Variants in SLC4A4 observed in about 807,000 individuals in gnomAD.
SLC4A4 encodes solute carrier family 4 member 4.
A neutral mutation model predicts 111.5 loss-of-function variants in SLC4A4; 27 were observed. That is an observed-to-expected ratio of 0.24 (90% CI 0.18 to 0.33). SLC4A4 has a LOEUF of 0.33. SLC4A4 is among the 10% of genes least tolerant of loss of function. The pLI is 1.00. For synonymous variants in SLC4A4, 443 were observed against 463.4 expected (o/e 0.96, Z 0.57); for missense variants, 909 against 1,315.5 (o/e 0.69, Z 4.78).
Position 71,255,339 on chromosome 4 carries a change from T to C in SLC4A4, c.193T>C (p.Ser65Pro). 2.5e-6 allele frequency: 4 copies of C among 1,613,602 alleles called. No homozygotes were observed. The highest frequency in any genetic ancestry group is 3.4e-6 in the Non-Finnish European group (4 of 1,179,646). ...AAAGGAGAGAATCTCTGAGAACTAC[T>C]CTGACAAATCAGATATTGAAAATGC... ...KEKERISENY[S>P]DKSDIENADE... The change falls in exon 3 of 26, where the codon TCT becomes CCT. Residue 65 changes from serine to proline, a missense_variant. Coordinates refer to ENST00000264485, the MANE Select transcript of SLC4A4 (RefSeq NM_001098484.3).
intron 2 of SLC4A4, among the ~76,000 whole-genome samples, chr4:71,096,787 A>G (rs1380013898): frequency 6.6e-6 from 1 of 152,168 alleles, no homozygotes; most frequent in Non-Finnish European, 1.5e-5. Flanking sequence ...CAAGATAAGG[A>G]CTGAAATGAG....
intron 14 of SLC4A4, among the ~76,000 whole-genome samples, chr4:71,479,684 C>A (rs962858779): frequency 2.0e-5 from 3 of 151,836 alleles, no homozygotes; most frequent in Admixed American, 6.6e-5. Flanking sequence ...AGTATAAGTT[C>A]TTCTGCTGTA....
rs559795268 is a variant in SLC4A4 at position 71,462,695 on chromosome 4, C to T, written c.1498-3749C>T. Among the ~76,000 whole-genome samples the T allele has an allele frequency of 1.2e-4, 19 of 152,204 alleles. No individual in the cohort carries two copies. The South Asian group carries it at 3.5e-3, about 28-fold the overall frequency. On this transcript the variant is annotated intron_variant, in intron 12 of 25. Coordinates refer to ENST00000264485, the MANE Select transcript of SLC4A4 (RefSeq NM_001098484.3). ...AAGTGCTGGGATTACAGGCGTGAGC[C>T]GCTATGCCCGGCTGTCATCTAATAT... is the stretch of plus-strand genomic sequence containing the variant.
intron 2 of SLC4A4, among the ~76,000 whole-genome samples, chr4:71,162,823 GACCC>G (rs1454285346): frequency 6.6e-6 from 1 of 152,134 alleles, no homozygotes; most frequent in Non-Finnish European, 1.5e-5. Flanking sequence ...GACGCTTAAG[GACCC>G]ATCAAACATT....
intron 2 of SLC4A4, among the ~76,000 whole-genome samples, chr4:71,249,883 C>A (rs78055253): frequency 4.9e-4 from 71 of 143,682 alleles, no homozygotes; most frequent in Admixed American, 6.2e-4. Flanking sequence ...GACTCTGTCT[C>A]AAAAAAAAAA....
chr4:71,548,617 A>G (rs1161340411), intron 20 of SLC4A4, among the ~76,000 whole-genome samples: 1 of 151,938 alleles, frequency 6.6e-6, no homozygotes, highest in African/African-American at 2.4e-5. Context: ...ACAGCTATAA[A>G]CAACCACTGT....
intron 6 of SLC4A4, among the ~76,000 whole-genome samples, chr4:71,391,664 A>G (rs1479976168): frequency 6.6e-6 from 1 of 152,102 alleles, no homozygotes; most frequent in Non-Finnish European, 1.5e-5. Context: ...TGGCCAGAAA[A>G]TAGTGATATG....
chr4:71,103,216 G>C (rs1290484366), intron 2 of SLC4A4, among the ~76,000 whole-genome samples: 1 of 149,722 alleles, frequency 6.7e-6, no homozygotes, highest in Non-Finnish European at 1.5e-5. Context: ...AACAAGAAGA[G>C]CTAACTATCC....
At chr4:71,280,181 A>G (rs887676943) in intron 3 of SLC4A4, among the ~76,000 whole-genome samples, 3 of 152,174 alleles carry the variant, frequency 2.0e-5, no homozygotes, top group Middle Eastern at 3.2e-3. Flanking sequence ...GATGTTGAAC[A>G]TTTTCAGATA....
chr4:71,410,926 A>T (rs554158474), intron 7 of SLC4A4, among the ~76,000 whole-genome samples: 1 of 152,268 alleles, frequency 6.6e-6, no homozygotes, highest in Admixed American at 6.5e-5. Context: ...TTTTACATTG[A>T]TACAAACTAT....
At chr4:71,224,024 C>T (rs1289513427) in intron 1 of SLC4A4, among the ~76,000 whole-genome samples, 1 of 152,186 alleles carries the variant, frequency 6.6e-6, no homozygotes, top group Non-Finnish European at 1.5e-5. Flanking sequence ...CCCGTGTCTT[C>T]ACACCTCATT....
At chr4:71,285,079 T>C (rs1453886958) in intron 3 of SLC4A4, among the ~76,000 whole-genome samples, 4 of 152,148 alleles carry the variant, frequency 2.6e-5, no homozygotes, top group African/African-American at 2.4e-5. Context: ...GTCTCAGTAG[T>C]CTCAGGTGTC....
intron 3 of SLC4A4, among the ~76,000 whole-genome samples, chr4:71,262,043 C>G (rs1239128575): frequency 6.6e-6 from 1 of 152,062 alleles, no homozygotes; most frequent in Non-Finnish European, 1.5e-5. Context: ...GCATTACCAC[C>G]TAAGCGGAAG....
chr4:71,523,248 G>A (rs6857348), intron 16 of SLC4A4, among the ~76,000 whole-genome samples: 90,208 of 151,794 alleles, frequency 0.59, 29,146 homozygotes, highest in Non-Finnish European at 0.74. Context: ...AAACGACTCT[G>A]CTATCACTAA....
intron 2 of SLC4A4, among the ~76,000 whole-genome samples, chr4:71,153,179 G>A (rs1331993372): frequency 1.3e-5 from 2 of 151,832 alleles, no homozygotes; most frequent in Non-Finnish European, 2.9e-5. Flanking sequence ...GGAGTCTGAT[G>A]TTTGAGGGCA....
At chr4:71,524,649 C>CT (rs892074105) in intron 16 of SLC4A4, among the ~76,000 whole-genome samples, 84 of 147,344 alleles carry the variant, frequency 5.7e-4, no homozygotes, top group East Asian at 1.2e-3. Flanking sequence ...ACTATTAATG[C>CT]TTTTTTTTTT....
chr4:71,551,303 T>C (rs1735974907), intron 20 of SLC4A4, among the ~76,000 whole-genome samples: 2 of 152,082 alleles, frequency 1.3e-5, no homozygotes, highest in South Asian at 4.1e-4. Context: ...AAAATCAGGA[T>C]AGCATTTAAT....
At chr4:71,094,044 A>G (rs1742468590) in intron 2 of SLC4A4, among the ~76,000 whole-genome samples, 1 of 152,204 alleles carries the variant, frequency 6.6e-6, no homozygotes, top group South Asian at 2.1e-4. Context: ...AGGGGCTGGT[A>G]ACCCTGTCCT....
At chr4:71,161,089 G>A (rs1212449980) in intron 2 of SLC4A4, among the ~76,000 whole-genome samples, 2 of 152,194 alleles carry the variant, frequency 1.3e-5, no homozygotes, top group Non-Finnish European at 2.9e-5. Context: ...GAGACTTCCA[G>A]TGTTTCCAAC....
Sources: gnomAD v4.1 joint callset for allele counts (sites outside exome capture counted in the v4.1 genomes callset) on GRCh38, gnomAD v4.1.1 for gene constraint, MANE v1.5 for transcripts, NCBI Gene and HGNC (gene_info 2026-07-23, HGNC 2026-07-21) for gene names.